The following PIWIL2 variants were observed in gnomAD, a reference collection of about 807,000 sequenced individuals.
PIWIL2 encodes the protein piwi-like protein 2.
A neutral mutation model predicts 116.5 loss-of-function variants in PIWIL2; 81 were observed. The observed-to-expected ratio is 0.70, with a 90% CI of 0.58 to 0.84. The LOEUF (loss-of-function observed/expected upper bound fraction) is 0.84, where lower values mean the gene tolerates loss of function less well. Ranked by LOEUF, PIWIL2 falls within the 40% of genes least tolerant of loss-of-function variation. The pLI is 0.00. For missense variants in PIWIL2, 1,272 were observed against 1,212.3 expected (o/e 1.05, Z -0.73); for synonymous variants, 489 against 429.5 (o/e 1.14, Z -1.71).
chr8:22,342,764 T>C (rs1452583286), intron 20 of PIWIL2, among the ~76,000 whole-genome samples: 1 of 152,116 alleles, frequency 6.6e-6, no homozygotes, highest in African/African-American at 2.4e-5. Context: ...AAATTTTTCA[T>C]CGAAAATTCA....
intron 20 of PIWIL2, among the ~76,000 whole-genome samples, chr8:22,347,443 T>C (rs1832253597): frequency 6.6e-6 from 1 of 151,190 alleles, no homozygotes; most frequent in Non-Finnish European, 1.5e-5. Flanking sequence ...GGTCTCAATC[T>C]CCTGACCTTG....
chr8:22,288,812 G>A, intron 8 of PIWIL2, 146 bp downstream of exon 8: 1 of 632,972 alleles, frequency 1.6e-6, no homozygotes. Context: ...TGGTATTGAG[G>A]CTAACTTACT....
chr8:22,342,721 T>C (rs80270918), intron 20 of PIWIL2, among the ~76,000 whole-genome samples: 9,212 of 152,170 alleles, frequency 0.061, 351 homozygotes, highest in Admixed American at 0.092. Flanking sequence ...TTTTTAGATA[T>C]GATGCCAAAA....
At chr8:22,302,844 G>T (rs1831084268) in intron 10 of PIWIL2, among the ~76,000 whole-genome samples, 1 of 152,202 alleles carries the variant, frequency 6.6e-6, no homozygotes, top group South Asian at 2.1e-4. Flanking sequence ...AGCCAAGGAT[G>T]TGTGGCCTTC....
At chr8:22,281,581 G>C in intron 4 of PIWIL2, 66 bp downstream of exon 4, 1 of 1,295,258 alleles carries the variant, frequency 7.7e-7, no homozygotes, top group Non-Finnish European at 1.1e-6. Flanking sequence ...AGTTCAGAGA[G>C]CAACTCTAAG....
Position 22,356,570 on chromosome 8 carries a change from C to A in PIWIL2, c.*1065C>A, listed in dbSNP as rs769130520. ...TTAACAGGCAGAAAAAATCTAGCAGCTAGGAAAGTTCAAGTTGGGGTGGGA... is the reference window on the plus strand; with the variant it reads ...TTAACAGGCAGAAAAAATCTAGCAGATAGGAAAGTTCAAGTTGGGGTGGGA... On this transcript the variant is annotated 3_prime_UTR_variant, in exon 23 of 23. Transcript: ENST00000356766. 6.6e-6 allele frequency: 1 copy of A among 152,158 alleles called. No homozygotes were observed. Among genetic ancestry groups the A allele is most frequent in the Non-Finnish European group, 1.5e-5 (1 of 68,020 alleles). The allele number at this position is 152,158 out of a possible 1,614,324, so 9.4% of individuals were successfully genotyped here.
chr8:22,290,156 A>G (rs1431324832), intron 9 of PIWIL2, 77 bp from the exon 10 acceptor site: 22 of 844,990 alleles, frequency 2.6e-5, no homozygotes, highest in Non-Finnish European at 4.1e-5. Context: ...TATCACCTCA[A>G]TGTTTTGTTC....
intron 20 of PIWIL2, among the ~76,000 whole-genome samples, chr8:22,341,280 T>A (rs562335093): frequency 1.6e-4 from 24 of 151,504 alleles, no homozygotes; most frequent in Admixed American, 1.4e-3. Flanking sequence ...GAAAAATCAT[T>A]TGACACTCAT....
intron 19 of PIWIL2, 23 bp from the exon 20 acceptor site, chr8:22,318,147 C>G: frequency 6.9e-7 from 1 of 1,453,072 alleles, no homozygotes; most frequent in Middle Eastern, 1.8e-4. Context: ...CTTTCTCTGT[C>G]TCTCTGCTCA....
intron 6 of PIWIL2, among the ~76,000 whole-genome samples, chr8:22,286,264 T>C (rs1024288727): frequency 4.6e-5 from 7 of 152,226 alleles, no homozygotes; most frequent in African/African-American, 1.7e-4. Context: ...AAGGAGGGCA[T>C]AGGCCATGAG....
chr8:22,317,068 T>C (rs999771757), intron 19 of PIWIL2, among the ~76,000 whole-genome samples: 3 of 152,196 alleles, frequency 2.0e-5, no homozygotes, highest in Non-Finnish European at 4.4e-5. Flanking sequence ...GCATGAGCAC[T>C]GCACCTGGCT....
At chr8:22,339,480 C>T (rs1457939155) in intron 20 of PIWIL2, among the ~76,000 whole-genome samples, 4 of 151,672 alleles carry the variant, frequency 2.6e-5, no homozygotes, top group African/African-American at 9.7e-5. Context: ...TGCACTCCAG[C>T]CTGGTGACAG....
At position 22,296,020 on chromosome 8, in the gene PIWIL2, CTTTTTTTTTTTTTTTTTTT is replaced by C. The variant is rs67357452; in HGVS notation, c.1181+5694_1181+5712del. Among the ~76,000 whole-genome samples the C allele has an allele frequency of 8.8e-4, 90 of 102,812 alleles. 1 individual carries two copies. The highest frequency in any genetic ancestry group is 1.3e-3 in the Non-Finnish European group (63 of 49,134). 67.4% of individuals were successfully genotyped at this position (102,812 alleles called of 152,430 possible). On this transcript the variant is annotated intron_variant, in intron 10 of 22. Coordinates refer to ENST00000356766, the MANE Select transcript of PIWIL2 (RefSeq NM_018068.5). ...ACTGTCTTGGGGTTCCTCTTCCCTT[CTTTTTTTTTTTTTTTTTTT>C]TTTTTTTTTTTTTTTTTTTGTTGTT...
chr8:22,336,731 C>A (rs1292646616), intron 20 of PIWIL2, among the ~76,000 whole-genome samples: 1 of 151,980 alleles, frequency 6.6e-6, no homozygotes, highest in Non-Finnish European at 1.5e-5. Flanking sequence ...CATAGTGAGA[C>A]CCTGTCTCTA....
chr8:22,300,397 A>G (rs921734677), intron 10 of PIWIL2, among the ~76,000 whole-genome samples: 4 of 152,218 alleles, frequency 2.6e-5, no homozygotes, highest in Admixed American at 6.5e-5. Flanking sequence ...CTCTACCACA[A>G]TTTATTCACC....
At chr8:22,328,775 A>T (rs1401056361) in intron 20 of PIWIL2, among the ~76,000 whole-genome samples, 1 of 142,118 alleles carries the variant, frequency 7.0e-6, no homozygotes, top group African/African-American at 2.6e-5. Flanking sequence ...TGTGTTGATC[A>T]TGTACCCTGT....
At position 22,349,404 on chromosome 8, in the gene PIWIL2, AAT is replaced by A. The variant is rs1165951561; in HGVS notation, c.2404-3550_2404-3549del. Among the ~76,000 whole-genome samples, 41 of 125,366 alleles carry A rather than the reference AAT, an allele frequency of 3.3e-4. 3 individuals carry two copies. The highest frequency in any genetic ancestry group is 2.2e-3 in the East Asian group (9 of 4,004). 82.2% of individuals were successfully genotyped at this position (125,366 alleles called of 152,430 possible). The stretch of plus-strand genomic sequence containing the variant: ...TAGCTCGGTCTCAACTTTTGTGTAC[AAT>A]ATATGTGTGTGTGTATATATATATA... On this transcript the variant is annotated intron_variant, in intron 20 of 22. Coordinates refer to ENST00000356766, the MANE Select transcript of PIWIL2 (RefSeq NM_018068.5).
At chr8:22,276,539 C>A (rs1830375434) in intron 1 of PIWIL2, among the ~76,000 whole-genome samples, 1 of 152,158 alleles carries the variant, frequency 6.6e-6, no homozygotes, top group South Asian at 2.1e-4. Flanking sequence ...TGGTCTCGAA[C>A]CCCTGACCTT....
chr8:22,295,411 A>C (rs1830874079), intron 10 of PIWIL2, among the ~76,000 whole-genome samples: 1 of 152,042 alleles, frequency 6.6e-6, no homozygotes, highest in South Asian at 2.1e-4. Flanking sequence ...CGAGTTGTGT[A>C]ATCCCTTCAC....
Sources: gnomAD v4.1 joint callset for allele counts (sites outside exome capture counted in the v4.1 genomes callset) on GRCh38, gnomAD v4.1.1 for gene constraint, MANE v1.5 for transcripts, NCBI Gene and HGNC (gene_info 2026-07-23, HGNC 2026-07-21) for gene names.